The following EYS variants were observed in gnomAD, a reference collection of about 807,000 sequenced individuals.
The protein encoded by EYS is protein eyes shut homolog.
In EYS, 250 loss-of-function variants were observed where a neutral mutation model predicts 282.1. The ratio of observed to expected loss-of-function variants is 0.89; its 90% CI spans 0.80 to 0.98. The LOEUF (loss-of-function observed/expected upper bound fraction) is 0.98, where lower values mean the gene tolerates loss of function less well. EYS is among the 50% of genes least tolerant of loss of function. The pLI is 0.00. For synonymous variants in EYS, 1,355 were observed against 1,282.9 expected (o/e 1.06, Z -1.20); for missense variants, 4,016 against 3,709.0 (o/e 1.08, Z -2.15).
intron 12 of EYS, among the ~76,000 whole-genome samples, chr6:65,177,354 C>A (rs905795252): frequency 6.6e-6 from 1 of 151,712 alleles, no homozygotes; most frequent in Non-Finnish European, 1.5e-5. Flanking sequence ...ATGGCATATA[C>A]CCTCCGAAAT....
At chr6:65,529,828 A>T (rs889292964) in intron 2 of EYS, among the ~76,000 whole-genome samples, 1 of 152,182 alleles carries the variant, frequency 6.6e-6, no homozygotes, top group Admixed American at 6.5e-5. Context: ...ATGTGAGGAC[A>T]CAGTGAGAAT....
chr6:64,031,643 C>T (rs902376901), intron 33 of EYS, among the ~76,000 whole-genome samples: 9 of 152,172 alleles, frequency 5.9e-5, no homozygotes, highest in African/African-American at 2.2e-4. Context: ...TGTAAATGCA[C>T]CAATCAGCAC....
At chr6:65,649,385 A>C (rs1408489920) in intron 1 of EYS, among the ~76,000 whole-genome samples, 6 of 152,266 alleles carry the variant, frequency 3.9e-5, no homozygotes, top group Non-Finnish European at 8.8e-5. Context: ...ACACACACAC[A>C]CACATACACA....
chr6:64,227,072 A>G (rs1233145380), intron 31 of EYS, among the ~76,000 whole-genome samples: 1 of 152,082 alleles, frequency 6.6e-6, no homozygotes, highest in Non-Finnish European at 1.5e-5. Flanking sequence ...CTAGATGTCT[A>G]CGCAATTATA....
At chr6:64,488,750 T>C (rs1328830518) in intron 26 of EYS, among the ~76,000 whole-genome samples, 1 of 151,060 alleles carries the variant, frequency 6.6e-6, no homozygotes, top group Non-Finnish European at 1.5e-5. Flanking sequence ...GTAGATAGCA[T>C]GCTAAAGTTA....
chr6:65,353,588 A>AT lies in EYS; in HGVS notation c.1328dup (p.Asn443LysfsTer30), dbSNP rs1582176424. On this transcript the variant is annotated frameshift_variant, in exon 9 of 43. Transcript: ENST00000503581. LOFTEE classifies it high-confidence loss of function. The stretch of plus-strand genomic sequence containing the variant: ...AAACATTCTTCAAAAACCAACATGG[A>AT]TTTTTTGTGCACCCTGGAATGCATA... 1.9e-6 allele frequency: 3 copies of AT among 1,612,968 alleles called. No homozygotes were observed. Among genetic ancestry groups the AT allele is most frequent in the South Asian group, 1.1e-5 (1 of 91,064 alleles).
chr6:63,798,987 G>A (rs12111013), intron 37 of EYS, among the ~76,000 whole-genome samples: 25,497 of 84,168 alleles, frequency 0.3, 3,718 homozygotes, highest in African/African-American at 0.44. Context: ...GTATATGTGT[G>A]TATATATATA....
At chr6:65,668,983 C>T (rs1230773728) in intron 1 of EYS, among the ~76,000 whole-genome samples, 2 of 151,932 alleles carry the variant, frequency 1.3e-5, no homozygotes, top group African/African-American at 4.8e-5. Flanking sequence ...CTATAGCACA[C>T]AGCCTGTTGA....
At chr6:63,835,222 T>C (rs1216723503) in intron 36 of EYS, among the ~76,000 whole-genome samples, 1 of 150,928 alleles carries the variant, frequency 6.6e-6, no homozygotes, top group African/African-American at 2.4e-5. Flanking sequence ...AAAAAATAAA[T>C]GAGTGTATAA....
At chr6:64,273,939 G>T (rs765516740) in intron 30 of EYS, among the ~76,000 whole-genome samples, 27 of 152,138 alleles carry the variant, frequency 1.8e-4, no homozygotes, top group Admixed American at 3.3e-4. Flanking sequence ...CATTTGGTAG[G>T]ATTTCAGGTA....
chr6:65,578,326 A>G (rs149973580), intron 2 of EYS, among the ~76,000 whole-genome samples: 5,565 of 151,868 alleles, frequency 0.037, 272 homozygotes, highest in African/African-American at 0.12. Flanking sequence ...TAAGCCAGGC[A>G]CAGAAAGACA....
intron 1 of EYS, among the ~76,000 whole-genome samples, chr6:65,662,339 A>G (rs1176806265): frequency 1.3e-5 from 2 of 152,134 alleles, no homozygotes; most frequent in Non-Finnish European, 2.9e-5. Flanking sequence ...GTCCAATCTC[A>G]TATCAGCCAA....
intron 29 of EYS, among the ~76,000 whole-genome samples, chr6:64,352,944 C>G (rs1163810035): frequency 1.3e-5 from 2 of 151,474 alleles, no homozygotes; most frequent in Non-Finnish European, 1.5e-5. Context: ...TGAAATTTCT[C>G]TATAATTCAT....
intron 18 of EYS, among the ~76,000 whole-genome samples, chr6:64,895,161 C>T (rs1767415928): frequency 6.6e-6 from 1 of 151,986 alleles, no homozygotes; most frequent in Admixed American, 6.6e-5. Context: ...AGAAAGGGCA[C>T]AGAAAATAAG....
At chr6:65,306,660 TAA>T (rs563938808) in intron 11 of EYS, among the ~76,000 whole-genome samples, 4 of 134,258 alleles carry the variant, frequency 3.0e-5, no homozygotes. Context: ...TGATGTAGGA[TAA>T]AAAAAAAAAG....
intron 26 of EYS, among the ~76,000 whole-genome samples, chr6:64,576,683 TA>T (rs1392227424): frequency 1.2e-4 from 18 of 152,096 alleles, no homozygotes; most frequent in Non-Finnish European, 2.4e-4. Context: ...TAATTTTATT[TA>T]AAAATAGTTT....
In EYS at chr6:64,100,285, A is replaced by C. The variant is rs1772781662; in HGVS notation, c.6425-18283T>G. Among the ~76,000 whole-genome samples the C allele has an allele frequency of 2.6e-5, 4 of 152,126 alleles. No individual in the cohort carries two copies. In the South Asian group the frequency reaches 8.3e-4, roughly 31 times the overall value. On this transcript the variant is annotated intron_variant, in intron 31 of 42. Coordinates refer to ENST00000503581, the MANE Select transcript of EYS (RefSeq NM_001142800.2). Reference sequence around the variant, plus strand: ...CTGTTCTTTAATTCTTTTCTTAGCTATACCTAATCTGCTGTTTAATTCACC... The same window carrying C: ...CTGTTCTTTAATTCTTTTCTTAGCTCTACCTAATCTGCTGTTTAATTCACC...
At chr6:64,258,082 A>G (rs543656127) in intron 30 of EYS, among the ~76,000 whole-genome samples, 9 of 152,188 alleles carry the variant, frequency 5.9e-5, no homozygotes, top group Admixed American at 4.6e-4. Flanking sequence ...TGTGATCCTA[A>G]GAAGCTATGC....
intron 31 of EYS, among the ~76,000 whole-genome samples, chr6:64,085,244 G>A (rs1772104095): frequency 6.6e-6 from 1 of 151,882 alleles, no homozygotes; most frequent in Non-Finnish European, 1.5e-5. Context: ...CCAAAGTGCT[G>A]GGATTATAGG....
Sources: gnomAD v4.1 joint callset for allele counts (sites outside exome capture counted in the v4.1 genomes callset) on GRCh38, gnomAD v4.1.1 for gene constraint, MANE v1.5 for transcripts, NCBI Gene and HGNC (gene_info 2026-07-23, HGNC 2026-07-21) for gene names.